The following IL16 variants were observed in gnomAD, a reference collection of about 807,000 sequenced individuals.
The protein encoded by IL16 is pro-interleukin-16.
IL16 carries 67 observed loss-of-function variants against 110.1 expected under a neutral mutation model. The observed-to-expected ratio is 0.61, with a 90% CI of 0.50 to 0.75. The LOEUF is 0.75. Ranked by LOEUF, IL16 falls within the 30% of genes least tolerant of loss-of-function variation. The probability of loss-of-function intolerance (pLI) is 0.00; values close to 1 mark genes in which losing one functional copy is unlikely to be tolerated. For missense variants in IL16, 1,545 were observed against 1,655.0 expected, an observed-to-expected ratio of 0.93 and a Z score of 1.15; for synonymous variants, 689 against 662.9, an observed-to-expected ratio of 1.04 and a Z score of -0.61.
intron 15 of IL16, 25 bp downstream of exon 15, chr15:81,301,537 C>T (rs1900286997): frequency 5.6e-6 from 9 of 1,603,324 alleles, no homozygotes; most frequent in Non-Finnish European, 6.8e-6. Context: ...TAAGCATCTG[C>T]AGTAACCAAT....
In IL16 at chr15:81,308,676, C is replaced by CA; in HGVS notation, c.3878dup (p.Leu1295ProfsTer5). On this transcript the variant is annotated frameshift_variant, in exon 19 of 19. Coordinates refer to ENST00000683961, the MANE Select transcript of IL16 (RefSeq NM_172217.5). LOFTEE classifies it low-confidence loss of function (END_TRUNC). ...CTTACAGCTGGGTGGCACTGCCATG[C>CA]AGGGCCTCACACGGTTTGAAGCCTG... The CA allele has an allele frequency of 1.9e-6, 3 of 1,613,578 alleles. No homozygotes were observed. The South Asian group carries it at 3.3e-5, about 18-fold the overall frequency.
chr15:81,218,657 C>T (rs548982041), intron 1 of IL16, among the ~76,000 whole-genome samples: 6 of 152,312 alleles, frequency 3.9e-5, no homozygotes, highest in African/African-American at 1.4e-4. Context: ...CATCCCCCAG[C>T]ACCTTGCTGT....
chr15:81,213,814 G>C (rs1262475315), intron 1 of IL16, among the ~76,000 whole-genome samples: 1 of 152,118 alleles, frequency 6.6e-6, no homozygotes, highest in Non-Finnish European at 1.5e-5. Flanking sequence ...GTTGGGTCTT[G>C]TCTTTTTATC....
chr15:81,201,634 G>T (rs1162035585), intron 1 of IL16, among the ~76,000 whole-genome samples: 2 of 152,018 alleles, frequency 1.3e-5, no homozygotes, highest in African/African-American at 4.8e-5. Context: ...TAGTTAAGTG[G>T]TGTATACAAA....
intron 2 of IL16, among the ~76,000 whole-genome samples, chr15:81,241,020 T>TA (rs1464924401): frequency 2.0e-5 from 3 of 152,034 alleles, no homozygotes; most frequent in Non-Finnish European, 4.4e-5. Flanking sequence ...TCCATACAGT[T>TA]AGCCCATTGT....
intron 2 of IL16, among the ~76,000 whole-genome samples, chr15:81,252,001 A>C (rs1432063735): frequency 6.6e-6 from 1 of 152,214 alleles, no homozygotes; most frequent in Non-Finnish European, 1.5e-5. Flanking sequence ...TTTGAAAACA[A>C]CTGTAAACAA....
intron 1 of IL16, among the ~76,000 whole-genome samples, chr15:81,221,869 G>A (rs75099178): frequency 7.6e-4 from 116 of 152,188 alleles, no homozygotes; most frequent in African/African-American, 2.3e-3. Context: ...CAAAGCTGCC[G>A]GTACTCATCA....
chr15:81,203,492 T>C (rs1895897688), intron 1 of IL16, among the ~76,000 whole-genome samples: 2 of 151,968 alleles, frequency 1.3e-5, no homozygotes, highest in Admixed American at 6.6e-5. Context: ...TTGAATTAAT[T>C]TTTGTATAAG....
At chr15:81,211,584 C>T (rs1896246007) in intron 1 of IL16, among the ~76,000 whole-genome samples, 1 of 152,150 alleles carries the variant, frequency 6.6e-6, no homozygotes. Flanking sequence ...AACAAGGTCT[C>T]ACTATGTTGT....
rs1044686377 is a variant in IL16, at chr15:81,303,973, C to T, written c.3420+323C>T. 1.3e-5 allele frequency among the ~76,000 whole-genome samples: 2 copies of T among 152,234 alleles called. No individual in the cohort carries two copies. Among genetic ancestry groups the T allele is most frequent in the African/African-American group, 4.8e-5 (2 of 41,460 alleles). On this transcript the variant is annotated intron_variant, in intron 16 of 18. Coordinates refer to ENST00000683961, the MANE Select transcript of IL16 (RefSeq NM_172217.5). The surrounding 1 kb of genome is among the most constrained non-coding windows in gnomAD (Gnocchi z 4.1). The stretch of plus-strand genomic sequence containing the variant: ...CCAGTTTTGTGGAGCCATGCTGCGG[C>T]TGCTCGCTCTCTAAAGCCGAGTGCA...
intron 4 of IL16, among the ~76,000 whole-genome samples, chr15:81,268,925 A>G (rs1274352465): frequency 1.3e-5 from 2 of 152,230 alleles, no homozygotes; most frequent in Admixed American, 1.3e-4. Context: ...GATAATGGGC[A>G]GAGTCAGAAG....
chr15:81,211,849 C>G (rs1007456225), intron 1 of IL16, among the ~76,000 whole-genome samples: 2 of 152,096 alleles, frequency 1.3e-5, no homozygotes, highest in Non-Finnish European at 2.9e-5. Context: ...AATCTTGCAT[C>G]CTAGGAATAA....
chr15:81,183,840 G>C (rs1011598710), intron 1 of IL16, among the ~76,000 whole-genome samples: 5 of 152,192 alleles, frequency 3.3e-5, no homozygotes, highest in African/African-American at 1.2e-4. Flanking sequence ...GGCATTCAAA[G>C]GCTCACTTTC....
chr15:81,276,879 TGAG>T (rs1483143782), intron 6 of IL16, among the ~76,000 whole-genome samples: 1 of 152,172 alleles, frequency 6.6e-6, no homozygotes, highest in Non-Finnish European at 1.5e-5. Flanking sequence ...TGTCCACTGT[TGAG>T]GAGAGTCAGC....
In IL16 at chr15:81,259,851, G is replaced by C; in HGVS notation, c.392G>C (p.Cys131Ser). 6.2e-7 allele frequency: 1 copy of C among 1,613,172 alleles called. No individual in the cohort carries two copies. Among genetic ancestry groups the C allele is most frequent in the Non-Finnish European group, 8.5e-7 (1 of 1,179,174 alleles). The change falls in exon 3 of 19, where the codon TGC becomes TCC. Residue 131 changes from cysteine (C) to serine (S), a missense_variant. Physicochemically the swap from Cys to Ser is moderately radical, Grantham distance 112. This residue lies in a region of IL16 where 1,185 missense variants were observed against 1,238.8 expected (regional missense o/e 0.96). Coordinates refer to ENST00000683961, the MANE Select transcript of IL16 (RefSeq NM_172217.5). ...AGTAACTTCCTGTTTCCTAAAGCCTGCCACCAAAGGGCACGCAGCAACTCA... is the reference window on the plus strand; with the variant it reads ...AGTAACTTCCTGTTTCCTAAAGCCTCCCACCAAAGGGCACGCAGCAACTCA... ...QSSNFLFPKACHQRARSNSTS... is the reference protein window; with the variant it reads ...QSSNFLFPKASHQRARSNSTS...
chr15:81,255,289 C>G (rs894235204), intron 2 of IL16, among the ~76,000 whole-genome samples: 1 of 152,198 alleles, frequency 6.6e-6, no homozygotes, highest in African/African-American at 2.4e-5. Context: ...CATTTCTATT[C>G]TCTCCTATAG....
At chr15:81,222,324 C>T (rs1039380838) in intron 1 of IL16, among the ~76,000 whole-genome samples, 1 of 151,272 alleles carries the variant, frequency 6.6e-6, no homozygotes, top group African/African-American at 2.4e-5. Flanking sequence ...TCACTGTTTT[C>T]CATGCCTTAT....
At chr15:81,245,403 T>C (rs1024847903) in intron 2 of IL16, among the ~76,000 whole-genome samples, 6 of 152,214 alleles carry the variant, frequency 3.9e-5, no homozygotes, top group African/African-American at 1.4e-4. Flanking sequence ...GTGAGGGACT[T>C]CTCATTAATG....
chr15:81,290,433 A>T lies in IL16; in HGVS notation c.1333-20A>T. 3 of 1,587,902 alleles carry T rather than the reference A, an allele frequency of 1.9e-6. No homozygotes were observed. The highest frequency in any genetic ancestry group is 2.3e-5 in the East Asian group (1 of 44,150). On this transcript the variant is annotated intron_variant, in intron 10 of 18. Transcript: ENST00000683961. ...AGGAGCTTCTACTGTTTGTTTGAGG[A>T]GATGACTGATATTTTCTAGGTCTCT...
Sources: gnomAD v4.1 joint callset for allele counts (sites outside exome capture counted in the v4.1 genomes callset) on GRCh38, gnomAD v4.1.1 for gene constraint, gnomAD v4.1.1 regional missense constraint, Gnocchi (gnomAD v3.1) non-coding constraint, MANE v1.5 for transcripts, NCBI Gene and HGNC (gene_info 2026-07-23, HGNC 2026-07-21) for gene names.